The following SPAG16 variants were observed in gnomAD, a reference collection of about 807,000 sequenced individuals.
SPAG16 encodes sperm-associated antigen 16 protein.
A neutral mutation model predicts 80.4 loss-of-function variants in SPAG16; 86 were observed. The ratio of observed to expected loss-of-function variants is 1.07; its 90% CI spans 0.90 to 1.28. The LOEUF (loss-of-function observed/expected upper bound fraction) is 1.28. Ranked by LOEUF, SPAG16 falls within the 50% of genes most tolerant of loss-of-function variation. The pLI is 0.00. For missense variants in SPAG16, 870 were observed against 765.3 expected (o/e 1.14, Z -1.61); for synonymous variants, 294 against 265.9 (o/e 1.11, Z -1.03).
In SPAG16 at chr2:213,577,926, T is replaced by C. The variant is rs531116577; in HGVS notation, c.1070+87836T>C. Among the ~76,000 whole-genome samples the C allele has an allele frequency of 1.5e-3, 235 of 152,206 alleles. 1 individual carries two copies. The highest frequency in any genetic ancestry group is 5.4e-3 in the African/African-American group (223 of 41,560). ...CTCATACTGCCTTTTATGTTTGCTC[T>C]ATCCAGCCTCCTCTCAGGAGGAACT... is the stretch of plus-strand genomic sequence containing the variant. On this transcript the variant is annotated intron_variant, in intron 10 of 15. Transcript: ENST00000331683.
intron 15 of SPAG16, among the ~76,000 whole-genome samples, chr2:214,170,364 G>A (rs778253284): frequency 4.6e-5 from 7 of 151,856 alleles, no homozygotes; most frequent in Non-Finnish European, 8.8e-5. Flanking sequence ...TCTACCTAGT[G>A]TCTCACATAA....
intron 13 of SPAG16, among the ~76,000 whole-genome samples, chr2:214,106,352 A>G (rs1221907360): frequency 6.6e-6 from 1 of 152,136 alleles, no homozygotes; most frequent in East Asian, 1.9e-4. Flanking sequence ...AGTTCTTAGC[A>G]TAATTGGTTT....
chr2:214,103,075 T>C (rs770346006), intron 13 of SPAG16, among the ~76,000 whole-genome samples: 4 of 152,120 alleles, frequency 2.6e-5, no homozygotes, highest in Non-Finnish European at 5.9e-5. Context: ...CATGCCCATC[T>C]GAGGTTTTTT....
intron 9 of SPAG16, among the ~76,000 whole-genome samples, chr2:213,409,562 C>A (rs2068847736): frequency 6.6e-6 from 1 of 151,908 alleles, no homozygotes; most frequent in East Asian, 1.9e-4. Flanking sequence ...TGCTCTTTAA[C>A]AAAAATTATA....
chr2:214,334,739 G>T (rs1697161374), intron 15 of SPAG16, among the ~76,000 whole-genome samples: 1 of 152,096 alleles, frequency 6.6e-6, no homozygotes, highest in African/African-American at 2.4e-5. Context: ...TTTCCAGATT[G>T]CTTACTGTCA....
chr2:214,197,492 A>C (rs567126796), intron 15 of SPAG16, among the ~76,000 whole-genome samples: 3 of 152,126 alleles, frequency 2.0e-5, no homozygotes, highest in African/African-American at 4.8e-5. Flanking sequence ...TGAATGGACC[A>C]TACATACTGT....
At chr2:213,851,495 G>A (rs774794318) in intron 10 of SPAG16, among the ~76,000 whole-genome samples, 55 of 152,154 alleles carry the variant, frequency 3.6e-4, no homozygotes, top group African/African-American at 9.2e-4. Context: ...GTGACAGAGC[G>A]AGACTCCCTC....
At chr2:214,306,283 C>T (rs1224153439) in intron 15 of SPAG16, among the ~76,000 whole-genome samples, 1 of 152,126 alleles carries the variant, frequency 6.6e-6, no homozygotes, top group Non-Finnish European at 1.5e-5. Context: ...GGGGCTGAGA[C>T]TCTGGGATTT....
intron 10 of SPAG16, among the ~76,000 whole-genome samples, chr2:213,845,655 T>C (rs1217160423): frequency 6.6e-6 from 1 of 152,188 alleles, no homozygotes; most frequent in Non-Finnish European, 1.5e-5. Flanking sequence ...TTACCTTTCA[T>C]CACCTTAATT....
At chr2:213,423,265 A>T (rs2069707712) in intron 9 of SPAG16, among the ~76,000 whole-genome samples, 1 of 152,258 alleles carries the variant, frequency 6.6e-6, no homozygotes, top group Admixed American at 6.5e-5. Context: ...AGAATATAAT[A>T]TGAAGAAGGA....
At chr2:213,888,318 A>G (rs1181757366) in intron 11 of SPAG16, among the ~76,000 whole-genome samples, 1 of 151,840 alleles carries the variant, frequency 6.6e-6, no homozygotes, top group Non-Finnish European at 1.5e-5. Context: ...AAGTTAGAGC[A>G]TTCAGAGATT....
At chr2:213,860,188 C>G (rs1274420444) in intron 10 of SPAG16, among the ~76,000 whole-genome samples, 1 of 152,086 alleles carries the variant, frequency 6.6e-6, no homozygotes, top group Non-Finnish European at 1.5e-5. Flanking sequence ...TGCTGATGCA[C>G]TTATTCCATA....
At chr2:214,294,386 C>T (rs1693997495) in intron 15 of SPAG16, among the ~76,000 whole-genome samples, 1 of 152,148 alleles carries the variant, frequency 6.6e-6, no homozygotes, top group Admixed American at 6.5e-5. Flanking sequence ...TTTGTTGCTT[C>T]CAATAATTTC....
chr2:214,365,839 T>G (rs1699443929), intron 15 of SPAG16, among the ~76,000 whole-genome samples: 1 of 152,156 alleles, frequency 6.6e-6, no homozygotes, highest in African/African-American at 2.4e-5. Context: ...TCTGACATAT[T>G]CTATTATCAA....
chr2:213,485,274 A>G (rs2073929765), intron 9 of SPAG16, among the ~76,000 whole-genome samples: 1 of 152,140 alleles, frequency 6.6e-6, no homozygotes. Flanking sequence ...GATTACAGGC[A>G]TAAGCCACTG....
At chr2:213,535,405 C>G (rs62192350) in intron 10 of SPAG16, among the ~76,000 whole-genome samples, 99 of 152,188 alleles carry the variant, frequency 6.5e-4, no homozygotes, top group Non-Finnish European at 8.7e-4. Context: ...AAAAAAGACA[C>G]AAATTCAACT....
At chr2:213,499,803 C>T (rs560539303) in intron 10 of SPAG16, among the ~76,000 whole-genome samples, 66 of 152,090 alleles carry the variant, frequency 4.3e-4, no homozygotes, top group African/African-American at 1.5e-3. Context: ...TTTTTTTCAG[C>T]CTGCCTTATT....
At chr2:213,325,335 G>A (rs1364845227) in intron 5 of SPAG16, among the ~76,000 whole-genome samples, 3 of 151,860 alleles carry the variant, frequency 2.0e-5, no homozygotes, top group East Asian at 1.9e-4. Context: ...CTTCTAAAAC[G>A]CTTAAAATAT....
intron 15 of SPAG16, among the ~76,000 whole-genome samples, chr2:214,320,938 A>G (rs1269371897): frequency 6.6e-6 from 1 of 152,240 alleles, no homozygotes; most frequent in East Asian, 1.9e-4. Flanking sequence ...AATAAATGTA[A>G]AGTATGTTGG....
Sources: gnomAD v4.1 joint callset for allele counts (sites outside exome capture counted in the v4.1 genomes callset) on GRCh38, gnomAD v4.1.1 for gene constraint, MANE v1.5 for transcripts, NCBI Gene and HGNC (gene_info 2026-07-23, HGNC 2026-07-21) for gene names.